Variants in AMY2B observed in about 807,000 individuals in gnomAD.
AMY2B encodes the protein alpha-amylase 2B.
A neutral mutation model predicts 59.3 loss-of-function variants in AMY2B; 63 were observed. The ratio of observed to expected loss-of-function variants is 1.06; its 90% CI spans 0.87 to 1.31. The LOEUF (loss-of-function observed/expected upper bound fraction) is 1.31, where lower values mean the gene tolerates loss of function less well. Among genes scored for constraint, AMY2B ranks in the 50% most tolerant of loss-of-function variants. The pLI, the probability that AMY2B is intolerant of heterozygous loss-of-function variation, is 0.00. For missense variants in AMY2B, 635 were observed against 626.7 expected (o/e 1.01, Z -0.14); for synonymous variants, 180 against 198.1 (o/e 0.91, Z 0.77).
In AMY2B at chr1:103,575,301, A is replaced by T; in HGVS notation, c.957A>T (p.Gly319=). 6.2e-7 allele frequency: 1 copy of T among 1,613,648 alleles called. No individual in the cohort carries two copies. ...TGGATAACCATGACAATCAACGAGG[A>T]CATGGGGCTGGAGGAGCCTCTATTC... The part of the protein sequence containing the change: ...VFVDNHDNQR[G]HGAGGASILT... Residue 319 remains glycine (G), a synonymous_variant, in exon 6 of 10, where the codon GGA becomes GGT. Transcript: ENST00000684275.
rs368868813 is a variant in AMY2B, at chr1:103,573,039, T to C, written c.316-24T>C. On this transcript the variant is annotated intron_variant, in intron 2 of 9. Transcript: ENST00000684275. ...ATTTCTGCCTCTCTGTAAGTCACAC[T>C]GAAGTAGAAACTTTGCTTTCTAGGT... 2.2e-5 allele frequency: 35 copies of C among 1,612,760 alleles called. No individual in the cohort carries two copies. The African/African-American group carries it at 4.4e-4, about 20-fold the overall frequency.
intron 1 of AMY2B, among the ~76,000 whole-genome samples, chr1:103,563,707 A>AC (rs1651812695): frequency 6.6e-6 from 1 of 151,646 alleles, no homozygotes; most frequent in South Asian, 2.1e-4. Flanking sequence ...CTTTTTTTTT[A>AC]CCAACATTCC....
At chr1:103,575,030 ATATT>A (rs1327239088) in intron 5 of AMY2B, among the ~76,000 whole-genome samples, 189 bp from the exon 6 acceptor site, 3 of 146,270 alleles carry the variant, frequency 2.1e-5, no homozygotes, top group East Asian at 2.0e-4. Context: ...GTGTGTATAT[ATATT>A]TGAGTGTGTG....
chr1:103,567,749 T>C (rs1651959034), upstream of AMY2B, among the ~76,000 whole-genome samples: 2 of 152,180 alleles, frequency 1.3e-5, no homozygotes, highest in African/African-American at 2.4e-5. Context: ...TTCTACAAGG[T>C]TCTACATGAT....
chr1:103,561,189 T>G (rs1310333859), intron 1 of AMY2B, among the ~76,000 whole-genome samples: 2 of 152,226 alleles, frequency 1.3e-5, no homozygotes, highest in African/African-American at 2.4e-5. Context: ...ACTTTAATTT[T>G]TTTCTAAGGT....
chr1:103,556,806 T>G (rs1285206914), intron 1 of AMY2B, among the ~76,000 whole-genome samples: 1 of 152,130 alleles, frequency 6.6e-6, no homozygotes, highest in Non-Finnish European at 1.5e-5. Context: ...CTGAGTGCTT[T>G]TTGTAATTAT....
chr1:103,565,378 G>C (rs745736494), intron 1 of AMY2B: 3 of 152,146 alleles, frequency 2.0e-5, no homozygotes, highest in Non-Finnish European at 4.4e-5. Context: ...TGACAGAAAA[G>C]TCTATATGTT....
upstream of AMY2B, chr1:103,571,177 A>G: frequency 1.2e-6 from 1 of 815,212 alleles, no homozygotes; most frequent in Non-Finnish European, 1.6e-6. Flanking sequence ...CCAGAACACC[A>G]TGGGCTGTTA....
At chr1:103,571,075 T>C, upstream of AMY2B, 1 of 710,676 alleles carries the variant, frequency 1.4e-6, no homozygotes, top group Non-Finnish European at 1.8e-6. Flanking sequence ...TGGTAAGGGC[T>C]CCTTAACCAG....
At chr1:103,570,108 C>T, upstream of AMY2B, 1 of 439,576 alleles carries the variant, frequency 2.3e-6, no homozygotes, top group Non-Finnish European at 4.5e-6. Flanking sequence ...AGGACCTGAC[C>T]AACTACCTCA....
chr1:103,558,873 G>A (rs1167457475), intron 1 of AMY2B, among the ~76,000 whole-genome samples: 1 of 151,866 alleles, frequency 6.6e-6, no homozygotes, highest in African/African-American at 2.4e-5. Context: ...GATAAGACAA[G>A]AGAAAGGATG....
In AMY2B at chr1:103,559,047, G is replaced by A. The variant is rs144405256; in HGVS notation, c.-207+3938G>A. 8.2e-4 allele frequency among the ~76,000 whole-genome samples: 125 copies of A among 152,242 alleles called. 1 individual carries two copies. Among genetic ancestry groups the A allele is most frequent in the African/African-American group, 2.9e-3 (120 of 41,556 alleles). On this transcript the variant is annotated intron_variant, in intron 1 of 11. Coordinates refer to the AMY2B transcript ENST00000361355. ...ATACTACATTGTATATAAAAGACTC[G>A]AGCAGTTGTTGCTTTAAGTATCCAT...
upstream of AMY2B, chr1:103,570,642 G>C: frequency 3.4e-6 from 2 of 589,030 alleles, no homozygotes; most frequent in South Asian, 1.4e-5. Context: ...CAATGACTTG[G>C]CCCCCTCCAT....
intron 1 of AMY2B, chr1:103,565,336 C>G (rs989703670): frequency 2.6e-5 from 4 of 152,142 alleles, no homozygotes; most frequent in Admixed American, 2.0e-4. Context: ...AATATAAATG[C>G]TATGCAGATA....
intron 1 of AMY2B, among the ~76,000 whole-genome samples, chr1:103,563,094 T>C (rs904085409): frequency 6.6e-6 from 1 of 152,104 alleles, no homozygotes; most frequent in Non-Finnish European, 1.5e-5. Flanking sequence ...TAATTCTTGA[T>C]ACCGGATATA....
chr1:103,578,513 G>T (rs1433805627), intron 9 of AMY2B, among the ~76,000 whole-genome samples: 5 of 152,062 alleles, frequency 3.3e-5, no homozygotes, highest in African/African-American at 7.2e-5. Context: ...CAGTTGAATT[G>T]TCTCTGTCCA....
chr1:103,562,469 A>G (rs1451451547), intron 1 of AMY2B, among the ~76,000 whole-genome samples: 2 of 152,172 alleles, frequency 1.3e-5, no homozygotes, highest in African/African-American at 4.8e-5. Flanking sequence ...TACTATTTTG[A>G]GAAAATTGTA....
chr1:103,565,720 T>A (rs1231948631), intron 2 of AMY2B: 1 of 152,190 alleles, frequency 6.6e-6, no homozygotes, highest in Non-Finnish European at 1.5e-5. Flanking sequence ...AATATCAAGC[T>A]AATTCCATAG....
At chr1:103,561,808 G>A (rs1442064450) in intron 1 of AMY2B, 2 of 152,096 alleles carry the variant, frequency 1.3e-5, no homozygotes, top group Non-Finnish European at 2.9e-5. Context: ...GAGCAGAGGA[G>A]AGAAGACAGT....
Sources: gnomAD v4.1 joint callset for allele counts (sites outside exome capture counted in the v4.1 genomes callset) on GRCh38, gnomAD v4.1.1 for gene constraint, MANE v1.5 for transcripts, NCBI Gene and HGNC (gene_info 2026-07-23, HGNC 2026-07-21) for gene names.